Variants in GSK3B observed in about 807,000 individuals in gnomAD.
GSK3B encodes glycogen synthase kinase 3 beta.
GSK3B carries 15 observed loss-of-function variants against 56.4 expected under a neutral mutation model. The ratio of observed to expected loss-of-function variants is 0.27; its 90% CI spans 0.18 to 0.41. The LOEUF (loss-of-function observed/expected upper bound fraction) is 0.41. GSK3B is among the 10% of genes least tolerant of loss of function. GSK3B has a pLI of 1.00. For missense variants in GSK3B, 300 were observed against 513.4 expected, an observed-to-expected ratio of 0.58 and a Z score of 4.02; for synonymous variants, 181 against 188.9, an observed-to-expected ratio of 0.96 and a Z score of 0.34.
chr3:119,861,195 C>T (rs1264967886), intron 9 of GSK3B, among the ~76,000 whole-genome samples: 1 of 152,054 alleles, frequency 6.6e-6, no homozygotes, highest in Admixed American at 6.6e-5. Context: ...AATTAGAATA[C>T]AGAGTATCAT....
intron 2 of GSK3B, among the ~76,000 whole-genome samples, chr3:119,967,543 A>AT (rs1479049505): frequency 6.6e-6 from 1 of 152,330 alleles, no homozygotes; most frequent in East Asian, 1.9e-4. Flanking sequence ...TGGTACTGGC[A>AT]TAAGGACATA....
chr3:119,866,550 C>A, intron 8 of GSK3B: 1 of 1,355,068 alleles, frequency 7.4e-7, no homozygotes, highest in Admixed American at 1.7e-5. Flanking sequence ...GTTTTATAGA[C>A]CTGCCCTGAA....
chr3:119,858,087 T>C (rs769695462), intron 9 of GSK3B, among the ~76,000 whole-genome samples: 3 of 152,206 alleles, frequency 2.0e-5, no homozygotes, highest in Non-Finnish European at 4.4e-5. Flanking sequence ...GTTCCATTTA[T>C]AGAGCACAAG....
chr3:120,094,375 A>T lies in GSK3B; in HGVS notation c.-941T>A. The T allele has an allele frequency of 3.4e-6, 1 of 291,468 alleles. No individual in the cohort carries two copies. The highest frequency in any genetic ancestry group is 6.3e-6 in the Non-Finnish European group (1 of 157,486). The allele number at this position is 291,468 out of a possible 1,614,324, so 18.1% of individuals were successfully genotyped here. ...TCCTCGCTTCCTTCCTTCCTTTGTC[A>T]CTTGGCCCGGGCGGCGGCGGCGGCG... is the stretch of plus-strand genomic sequence containing the variant. On this transcript the variant is annotated 5_prime_UTR_variant, in exon 1 of 11. An upstream open reading frame in the 5' UTR loses its in-frame stop. Coordinates refer to ENST00000264235, the MANE Select transcript of GSK3B (RefSeq NM_001146156.2).
chr3:119,977,172 T>G (rs894785052), intron 2 of GSK3B, among the ~76,000 whole-genome samples: 12 of 152,184 alleles, frequency 7.9e-5, no homozygotes, highest in African/African-American at 2.4e-5. Flanking sequence ...ATTTTAAAAA[T>G]GTATTTAACC....
chr3:120,020,354 T>C (rs1042918515), intron 1 of GSK3B, among the ~76,000 whole-genome samples: 1 of 152,240 alleles, frequency 6.6e-6, no homozygotes, highest in Non-Finnish European at 1.5e-5. Flanking sequence ...TATTGCACTT[T>C]GCAGAAATTA....
intron 3 of GSK3B, among the ~76,000 whole-genome samples, chr3:119,938,530 C>A (rs773970853): frequency 6.6e-6 from 1 of 151,916 alleles, no homozygotes; most frequent in African/African-American, 2.4e-5. Context: ...ATGGAAAAAA[C>A]CCCACACGAT....
intron 6 of GSK3B, among the ~76,000 whole-genome samples, chr3:119,908,867 G>C (rs1047712640): frequency 6.6e-6 from 1 of 152,102 alleles, no homozygotes; most frequent in Non-Finnish European, 1.5e-5. Context: ...CTGGCCTCTT[G>C]GCAGAAATCA....
intron 2 of GSK3B, among the ~76,000 whole-genome samples, chr3:119,987,317 A>G (rs112301177): frequency 0.026 from 3,941 of 152,284 alleles, 173 homozygotes; most frequent in African/African-American, 0.089. Flanking sequence ...CCTAGAACTT[A>G]AAGTATAATA....
rs2057576465 is a variant in GSK3B, at chr3:119,992,673, A to T, written c.282+9373T>A. On this transcript the variant is annotated intron_variant, in intron 2 of 10. Transcript: ENST00000264235. ...AAAAACTACCATACACAAAGTAAAA[A>T]TTACACATATCACACCTAATATAAA... 2.0e-5 allele frequency among the ~76,000 whole-genome samples: 3 copies of T among 152,086 alleles called. No homozygotes were observed. In the South Asian group the frequency reaches 6.2e-4, roughly 31 times the overall value.
intron 1 of GSK3B, among the ~76,000 whole-genome samples, chr3:120,022,226 A>ATGAC (rs1206327002): frequency 1.3e-5 from 2 of 152,246 alleles, no homozygotes; most frequent in Non-Finnish European, 1.5e-5. Context: ...CAGCAAAAAG[A>ATGAC]TGACTATTCG....
intron 7 of GSK3B, among the ~76,000 whole-genome samples, chr3:119,900,997 T>C (rs953391898): frequency 6.6e-6 from 1 of 152,112 alleles, no homozygotes; most frequent in African/African-American, 2.4e-5. Context: ...AAAAAGTAAC[T>C]GTCATTAAAA....
At chr3:119,890,868 C>A (rs938686106) in intron 7 of GSK3B, among the ~76,000 whole-genome samples, 1 of 151,774 alleles carries the variant, frequency 6.6e-6, no homozygotes, top group Non-Finnish European at 1.5e-5. Flanking sequence ...ATCTGTCAAA[C>A]CCTAAAATCA....
At chr3:119,856,842 A>G (rs2108026000) in intron 9 of GSK3B, among the ~76,000 whole-genome samples, 1 of 152,310 alleles carries the variant, frequency 6.6e-6, no homozygotes, top group East Asian at 1.9e-4. Flanking sequence ...TCTAAAAACC[A>G]TTATGACTCA....
chr3:119,866,680 A>G (rs764527291), intron 8 of GSK3B: 1 of 1,220,672 alleles, frequency 8.2e-7, no homozygotes. Flanking sequence ...TCAATCCAAA[A>G]GAGAATAGTC....
intron 1 of GSK3B, chr3:120,041,279 T>G (rs2058063085): frequency 3.7e-6 from 1 of 268,280 alleles, no homozygotes; most frequent in Admixed American, 3.6e-5. Flanking sequence ...CAGCTAATTT[T>G]CCTGAGTAAG....
intron 3 of GSK3B, among the ~76,000 whole-genome samples, chr3:119,936,660 T>A (rs1439895728): frequency 6.6e-6 from 1 of 151,796 alleles, no homozygotes; most frequent in Admixed American, 6.6e-5. Context: ...GGGTATCGTA[T>A]GTTGATTAAA....
chr3:119,930,397 A>G (rs1367393475), intron 3 of GSK3B, among the ~76,000 whole-genome samples: 1 of 152,132 alleles, frequency 6.6e-6, no homozygotes, highest in Non-Finnish European at 1.5e-5. Context: ...ACTAACTACA[A>G]GCATTCTAGT....
chr3:119,922,128 T>TGAAGGAAG (rs745426737), intron 4 of GSK3B, among the ~76,000 whole-genome samples: 1 of 146,200 alleles, frequency 6.8e-6, no homozygotes, highest in Non-Finnish European at 1.5e-5. Flanking sequence ...CAGAGTGAAA[T>TGAAGGAAG]GAAGGAAGGA....
Sources: gnomAD v4.1 joint callset for allele counts (sites outside exome capture counted in the v4.1 genomes callset) on GRCh38, gnomAD v4.1.1 for gene constraint, MANE v1.5 for transcripts, NCBI Gene and HGNC (gene_info 2026-07-23, HGNC 2026-07-21) for gene names.